Variants in ZNF385D observed in about 807,000 individuals in gnomAD.
ZNF385D encodes the protein zinc finger protein 385D.
In ZNF385D, 15 loss-of-function variants were observed where a neutral mutation model predicts 35.8. The ratio of observed to expected loss-of-function variants is 0.42; its 90% CI spans 0.28 to 0.64. ZNF385D has a LOEUF of 0.64. Among genes scored for constraint, ZNF385D ranks in the 30% least tolerant of loss-of-function variants. The pLI, the probability that ZNF385D is intolerant of heterozygous loss-of-function variation, is 0.23. For missense variants in ZNF385D, 474 were observed against 494.6 expected, an observed-to-expected ratio of 0.96 and a Z score of 0.39; for synonymous variants, 212 against 186.8, an observed-to-expected ratio of 1.13 and a Z score of -1.10.
intron 4 of ZNF385D, among the ~76,000 whole-genome samples, chr3:21,495,938 G>T (rs987641070): frequency 6.6e-6 from 1 of 152,092 alleles, no homozygotes; most frequent in Non-Finnish European, 1.5e-5. Context: ...ACACAAGCTA[G>T]AAAACCTAGA....
At chr3:22,289,945 T>C (rs1702214318) in intron 2 of ZNF385D, among the ~76,000 whole-genome samples, 1 of 152,116 alleles carries the variant, frequency 6.6e-6, no homozygotes, top group Non-Finnish European at 1.5e-5. Flanking sequence ...GCAGCAGCAG[T>C]TGAAAGAGTT....
chr3:22,134,188 G>A (rs1004139445), intron 3 of ZNF385D: 1 of 151,840 alleles, frequency 6.6e-6, no homozygotes, highest in African/African-American at 2.4e-5. Flanking sequence ...GAAATGAACT[G>A]TAAATATTAT....
intron 3 of ZNF385D, among the ~76,000 whole-genome samples, chr3:21,780,973 G>A (rs1051721147): frequency 1.3e-5 from 2 of 152,018 alleles, no homozygotes; most frequent in Non-Finnish European, 2.9e-5. Context: ...GTTTAGAGCT[G>A]ACATAGCAAC....
chr3:21,532,601 T>C (rs1052248980), intron 3 of ZNF385D, among the ~76,000 whole-genome samples: 7 of 152,078 alleles, frequency 4.6e-5, no homozygotes, highest in African/African-American at 1.2e-4. Context: ...TACCCCATAA[T>C]TGAAATAAAT....
intron 1 of ZNF385D, among the ~76,000 whole-genome samples, chr3:21,703,528 C>T (rs759890769): frequency 6.6e-6 from 1 of 152,048 alleles, no homozygotes; most frequent in Non-Finnish European, 1.5e-5. Flanking sequence ...TGTAAATAAC[C>T]CCTCTATTAA....
chr3:22,286,237 A>G (rs1702016445), intron 2 of ZNF385D, among the ~76,000 whole-genome samples: 1 of 152,134 alleles, frequency 6.6e-6, no homozygotes, highest in Admixed American at 6.6e-5. Context: ...TTCTTCTTCT[A>G]CAGTTGTGTG....
At chr3:22,119,490 A>G (rs1425399044) in intron 3 of ZNF385D, among the ~76,000 whole-genome samples, 1 of 152,104 alleles carries the variant, frequency 6.6e-6, no homozygotes, top group East Asian at 1.9e-4. Flanking sequence ...AATTCTTATC[A>G]CCTTTTATTG....
At chr3:22,287,345 C>T (rs903391365) in intron 2 of ZNF385D, among the ~76,000 whole-genome samples, 4 of 151,894 alleles carry the variant, frequency 2.6e-5, no homozygotes, top group African/African-American at 9.7e-5. Flanking sequence ...TTTCTTATTG[C>T]AAATCTTAAT....
intron 1 of ZNF385D, among the ~76,000 whole-genome samples, chr3:21,714,271 A>G (rs2068227815): frequency 6.6e-6 from 1 of 152,152 alleles, no homozygotes; most frequent in Non-Finnish European, 1.5e-5. Flanking sequence ...TACTGAGCAC[A>G]TTCATTCACT....
intron 3 of ZNF385D, among the ~76,000 whole-genome samples, chr3:21,901,228 C>T (rs928205620): frequency 2.0e-5 from 3 of 152,294 alleles, no homozygotes; most frequent in South Asian, 4.1e-4. Flanking sequence ...CCCCCTGCCT[C>T]GGCATCCCAA....
chr3:21,651,237 A>G (rs927610149), intron 2 of ZNF385D, among the ~76,000 whole-genome samples: 5 of 136,254 alleles, frequency 3.7e-5, no homozygotes, highest in Non-Finnish European at 6.1e-5. Flanking sequence ...GCAGTGAGCC[A>G]AGATCGTGCC....
intron 3 of ZNF385D, among the ~76,000 whole-genome samples, chr3:21,858,897 T>C (rs1482974723): frequency 6.6e-6 from 1 of 152,078 alleles, no homozygotes; most frequent in African/African-American, 2.4e-5. Context: ...TGCCAGTGAA[T>C]CCGATAACAG....
intron 3 of ZNF385D, among the ~76,000 whole-genome samples, chr3:21,807,947 T>C (rs998451720): frequency 6.6e-6 from 1 of 152,216 alleles, no homozygotes. Flanking sequence ...GATATTTGCA[T>C]TGTCTCAATA....
At chr3:22,146,057 G>C (rs1382583082) in intron 3 of ZNF385D, among the ~76,000 whole-genome samples, 5 of 151,836 alleles carry the variant, frequency 3.3e-5, no homozygotes, top group African/African-American at 1.2e-4. Flanking sequence ...ACATCCGCAG[G>C]GCCCTGAAAT....
At chr3:22,226,790 C>T (rs1487724549) in intron 2 of ZNF385D, among the ~76,000 whole-genome samples, 1 of 152,108 alleles carries the variant, frequency 6.6e-6, no homozygotes, top group African/African-American at 2.4e-5. Flanking sequence ...TCTCTGTACC[C>T]CATTATCTGT....
At chr3:22,131,342 G>A (rs1211996197) in intron 3 of ZNF385D, among the ~76,000 whole-genome samples, 1 of 151,940 alleles carries the variant, frequency 6.6e-6, no homozygotes, top group Non-Finnish European at 1.5e-5. Context: ...AACAGGTAAA[G>A]GAAGCAATGC....
chr3:22,131,304 G>A (rs1703769130), intron 3 of ZNF385D, among the ~76,000 whole-genome samples: 1 of 151,940 alleles, frequency 6.6e-6, no homozygotes, highest in Non-Finnish European at 1.5e-5. Flanking sequence ...TGAAGTCATT[G>A]GTGACCTTAA....
At chr3:21,861,890 A>G (rs1337811868) in intron 3 of ZNF385D, among the ~76,000 whole-genome samples, 2 of 152,126 alleles carry the variant, frequency 1.3e-5, no homozygotes, top group Non-Finnish European at 2.9e-5. Flanking sequence ...CCAGTGAGAC[A>G]TGAAGGTCTA....
chr3:22,209,750 T>C (rs907969112), intron 2 of ZNF385D, among the ~76,000 whole-genome samples: 5 of 70,782 alleles, frequency 7.1e-5, no homozygotes, highest in Admixed American at 5.8e-4. Context: ...TTTATGATTT[T>C]AAAAGAACAA....
Sources: allele counts gnomAD v4.1 joint callset (sites outside exome capture counted in the v4.1 genomes callset), GRCh38; gene constraint gnomAD v4.1.1; transcripts MANE v1.5; gene names NCBI Gene and HGNC (gene_info 2026-07-23, HGNC 2026-07-21).